OSBPL3: variants seen among roughly 807,000 people sequenced by gnomAD.
OSBPL3 encodes oxysterol-binding protein-related protein 3.
Under a neutral mutation model 120.1 loss-of-function variants are expected in OSBPL3, and 65 were observed. The observed-to-expected ratio is 0.54, with a 90% CI of 0.44 to 0.67. The LOEUF is 0.67. OSBPL3 is among the 30% of genes least tolerant of loss of function. OSBPL3 has a pLI of 0.00. For missense variants in OSBPL3, 1,004 were observed against 1,082.1 expected, an observed-to-expected ratio of 0.93 and a Z score of 1.01; for synonymous variants, 416 against 402.6, an observed-to-expected ratio of 1.03 and a Z score of -0.40.
chr7:24,978,065 C>T (rs1319118804), intron 1 of OSBPL3, among the ~76,000 whole-genome samples: 1 of 152,120 alleles, frequency 6.6e-6, no homozygotes, highest in Non-Finnish European at 1.5e-5. Context: ...AGGTCAAGCA[C>T]AATAGAGACA....
chr7:24,954,589 T>C (rs1405036999), intron 1 of OSBPL3, among the ~76,000 whole-genome samples: 1 of 149,350 alleles, frequency 6.7e-6, no homozygotes, highest in African/African-American at 2.5e-5. Flanking sequence ...AAAAAAAAGG[T>C]GTGGGGACAG....
In OSBPL3 at chr7:24,965,815, T is replaced by C. The variant is rs1469554167; in HGVS notation, c.-150+14071A>G. Among the ~76,000 whole-genome samples the C allele has an allele frequency of 3.3e-5, 5 of 152,122 alleles. No homozygotes were observed. The highest frequency in any genetic ancestry group is 7.4e-5 in the Non-Finnish European group (5 of 68,024). ...ATCCTCCCACCTCAGCCTCCCAAAG[T>C]GTTGGGATTACAGGCATTAGCCACT... is the stretch of plus-strand genomic sequence containing the variant. On this transcript the variant is annotated intron_variant, in intron 1 of 22. Transcript: ENST00000313367. This position sits in a 1 kb window ranked among gnomAD's most constrained non-coding sequence, Gnocchi z 4.3.
In OSBPL3 at chr7:24,873,337, G is replaced by A. The variant is rs963264350; in HGVS notation, c.97-1268C>T. 6.6e-6 allele frequency among the ~76,000 whole-genome samples: 1 copy of A among 152,194 alleles called. No individual in the cohort carries two copies. Among genetic ancestry groups the A allele is most frequent in the Admixed American group, 6.5e-5 (1 of 15,280 alleles). ...TGAGTGGCTCTGGCTCAGTTTCTGT[G>A]TTGTCCTCAAGTTCAATACGTGGGA... On this transcript the variant is annotated intron_variant, in intron 2 of 22. Transcript: ENST00000313367. The surrounding 1 kb of genome is among the most constrained non-coding windows in gnomAD (Gnocchi z 4.1).
At chr7:24,951,369 G>A (rs1814413098) in intron 1 of OSBPL3, among the ~76,000 whole-genome samples, 1 of 152,108 alleles carries the variant, frequency 6.6e-6, no homozygotes, top group African/African-American at 2.4e-5. Flanking sequence ...GAATTTATAT[G>A]TAACTTCATA....
Position 24,833,726 on chromosome 7 carries a change from C to T in OSBPL3, c.1746+760G>A, listed in dbSNP as rs943498070. 2.0e-5 allele frequency among the ~76,000 whole-genome samples: 3 copies of T among 152,160 alleles called. No homozygotes were observed. The highest frequency in any genetic ancestry group is 4.4e-5 in the Non-Finnish European group (3 of 68,024). The stretch of plus-strand genomic sequence containing the variant: ...TCACTGAATATAAGGAAGCAAAAAG[C>T]GGTACAGACACCCACGTTCAAGAAC... On this transcript the variant is annotated intron_variant, in intron 15 of 22. Coordinates refer to ENST00000313367, the MANE Select transcript of OSBPL3 (RefSeq NM_015550.4). This position sits in a 1 kb window ranked among gnomAD's most constrained non-coding sequence, Gnocchi z 4.4.
At chr7:24,807,304 C>T (rs1793177425) in intron 20 of OSBPL3, among the ~76,000 whole-genome samples, 1 of 141,458 alleles carries the variant, frequency 7.1e-6, no homozygotes, top group Non-Finnish European at 1.6e-5. Flanking sequence ...ACCAGCCTGG[C>T]CAACATGGCG....
rs1447257768 is a variant in OSBPL3 at position 24,952,646 on chromosome 7, C to CA, written c.-150+27239dup. Among the ~76,000 whole-genome samples, 2 of 152,156 alleles carry CA rather than the reference C, an allele frequency of 1.3e-5. No homozygotes were observed. The highest frequency in any genetic ancestry group is 4.8e-5 in the African/African-American group (2 of 41,440). On this transcript the variant is annotated intron_variant, in intron 1 of 22. Coordinates refer to ENST00000313367, the MANE Select transcript of OSBPL3 (RefSeq NM_015550.4). This position sits in a 1 kb window ranked among gnomAD's most constrained non-coding sequence, Gnocchi z 4.4. ...TGCCAGGCATATGTATATTCACATGCAAAATCCTGCAACATTCTTAACTGT... is the reference window on the plus strand; with the variant it reads ...TGCCAGGCATATGTATATTCACATGCAAAAATCCTGCAACATTCTTAACTGT...
At position 24,863,755 on chromosome 7, in the gene OSBPL3, G is replaced by A. The variant is rs1800922223; in HGVS notation, c.674-156C>T. Among the ~76,000 whole-genome samples the A allele has an allele frequency of 6.6e-6, 1 of 152,084 alleles. No homozygotes were observed. The highest frequency in any genetic ancestry group is 2.1e-4 in the South Asian group (1 of 4,814). The stretch of plus-strand genomic sequence containing the variant: ...TTTTACTTCCTTTTTTACAGGAAAG[G>A]CTGTAGACTCTAGTGGTTAAGGGCA... On this transcript the variant is annotated intron_variant, in intron 7 of 22. Transcript: ENST00000313367. This position sits in a 1 kb window ranked among gnomAD's most constrained non-coding sequence, Gnocchi z 5.8.
intron 1 of OSBPL3, among the ~76,000 whole-genome samples, chr7:24,948,381 T>A (rs1379178905): frequency 2.8e-5 from 3 of 109,044 alleles, no homozygotes; most frequent in Non-Finnish European, 3.9e-5. Flanking sequence ...GCAAGCAGAT[T>A]TACCTCATTT....
chr7:24,841,767 TGGCTGAG>T (rs975717866), intron 13 of OSBPL3, among the ~76,000 whole-genome samples: 1 of 140,516 alleles, frequency 7.1e-6, no homozygotes, highest in Non-Finnish European at 1.5e-5. Context: ...GCACTTTGGG[TGGCTGAG>T]GCAGGCGGAT....
intron 1 of OSBPL3, among the ~76,000 whole-genome samples, chr7:24,942,506 G>A (rs1380736351): frequency 6.6e-6 from 1 of 152,146 alleles, no homozygotes; most frequent in Non-Finnish European, 1.5e-5. Context: ...GCAGAATAGG[G>A]AATCCTGCTA....
In OSBPL3 at chr7:24,855,624, C is replaced by G. The variant is rs739709; in HGVS notation, c.1028-2990G>C. Among the ~76,000 whole-genome samples the G allele has an allele frequency of 6.6e-6, 1 of 152,058 alleles. No homozygotes were observed. The highest frequency in any genetic ancestry group is 2.4e-5 in the African/African-American group (1 of 41,356). On this transcript the variant is annotated intron_variant, in intron 10 of 22. Transcript: ENST00000313367. This position sits in a 1 kb window ranked among gnomAD's most constrained non-coding sequence, Gnocchi z 4.3. ...CATTAAAATAGTCATTCACAGCCAC[C>G]TAATGATCTGCCACACACAGGGCAA...
chr7:24,857,578 G>T (rs927230207), intron 10 of OSBPL3, among the ~76,000 whole-genome samples: 1 of 152,212 alleles, frequency 6.6e-6, no homozygotes, highest in Non-Finnish European at 1.5e-5. Context: ...GGCCAGAGAG[G>T]TTAATAAATG....
rs1793020380 is a variant in OSBPL3 at position 24,806,222 on chromosome 7, G to A, written c.2444+554C>T. 6.6e-6 allele frequency among the ~76,000 whole-genome samples: 1 copy of A among 152,218 alleles called. No individual in the cohort carries two copies. Among genetic ancestry groups the A allele is most frequent in the Non-Finnish European group, 1.5e-5 (1 of 68,040 alleles). The stretch of plus-strand genomic sequence containing the variant: ...TCCGCCCGCTTCGGCCTCCCAAAGT[G>A]TTGTTTGTTTTTAATAAAGCCAAAT... On this transcript the variant is annotated intron_variant, in intron 21 of 22. Transcript: ENST00000313367. This position sits in a 1 kb window ranked among gnomAD's most constrained non-coding sequence, Gnocchi z 5.2.
rs1056275072 is a variant in OSBPL3 at position 24,894,766 on chromosome 7, A to T, written c.-149-2145T>A. Among the ~76,000 whole-genome samples, 1 of 152,174 alleles carries T rather than the reference A, an allele frequency of 6.6e-6. No homozygotes were observed. The highest frequency in any genetic ancestry group is 1.5e-5 in the Non-Finnish European group (1 of 68,036). On this transcript the variant is annotated intron_variant, in intron 1 of 22. Coordinates refer to ENST00000313367, the MANE Select transcript of OSBPL3 (RefSeq NM_015550.4). The surrounding 1 kb of genome is among the most constrained non-coding windows in gnomAD (Gnocchi z 4.1). ...TAAAGGGAGAGAAACGTGGGCAATA[A>T]ATGAAAGTTACAGGAATTCTAAAAC... is the stretch of plus-strand genomic sequence containing the variant.
intron 10 of OSBPL3, among the ~76,000 whole-genome samples, chr7:24,860,800 T>C (rs893342049): frequency 6.6e-6 from 1 of 152,236 alleles, no homozygotes; most frequent in Non-Finnish European, 1.5e-5. Context: ...TGTATGGATG[T>C]ACCACAGTTT....
intron 6 of OSBPL3, 71 bp downstream of exon 6, chr7:24,865,999 C>A: frequency 7.8e-7 from 1 of 1,285,722 alleles, no homozygotes; most frequent in Non-Finnish European, 1.1e-6. Flanking sequence ...TCGGACTCAG[C>A]TCCCAAGACA....
intron 14 of OSBPL3, among the ~76,000 whole-genome samples, chr7:24,838,451 G>A (rs913293819): frequency 1.3e-5 from 2 of 152,096 alleles, no homozygotes; most frequent in Non-Finnish European, 2.9e-5. Flanking sequence ...AACCGAGATC[G>A]CACCACTGCA....
chr7:24,900,254 A>G lies in OSBPL3; in HGVS notation c.-149-7633T>C, dbSNP rs1385690628. Among the ~76,000 whole-genome samples the G allele has an allele frequency of 6.6e-6, 1 of 152,204 alleles. No individual in the cohort carries two copies. Among genetic ancestry groups the G allele is most frequent in the Non-Finnish European group, 1.5e-5 (1 of 68,028 alleles). On this transcript the variant is annotated intron_variant, in intron 1 of 22. Coordinates refer to ENST00000313367, the MANE Select transcript of OSBPL3 (RefSeq NM_015550.4). This position sits in a 1 kb window ranked among gnomAD's most constrained non-coding sequence, Gnocchi z 4.5. ...TCCAAAACCACTGCCACAGGTTAAT[A>G]TTACAACCATGGCATAGAATCTTTC...
Sources: gnomAD v4.1 joint callset for allele counts (sites outside exome capture counted in the v4.1 genomes callset) on GRCh38, gnomAD v4.1.1 for gene constraint, Gnocchi (gnomAD v3.1) non-coding constraint, MANE v1.5 for transcripts, NCBI Gene and HGNC (gene_info 2026-07-23, HGNC 2026-07-21) for gene names.